The following PRDM16 variants were observed in gnomAD, a reference collection of about 807,000 sequenced individuals.
The protein encoded by PRDM16 is histone-lysine N-methyltransferase PRDM16.
Under a neutral mutation model 110.6 loss-of-function variants are expected in PRDM16, and 23 were observed. The ratio of observed to expected loss-of-function variants is 0.21; its 90% confidence interval spans 0.15 to 0.29. The LOEUF is 0.29. PRDM16 is among the 10% of genes least tolerant of loss of function. The pLI is 1.00. For missense variants in PRDM16, 1,615 were observed against 1,794.3 expected (o/e 0.90, Z 1.81); for synonymous variants, 799 against 781.8 (o/e 1.02, Z -0.37).
chr1:3,095,810 C>A (rs4648362), intron 1 of PRDM16, among the ~76,000 whole-genome samples: 2 of 151,830 alleles, frequency 1.3e-5, no homozygotes, highest in African/African-American at 4.8e-5. Flanking sequence ...CTTGGAATGC[C>A]CTGGGGGCTG....
chr1:3,173,424 G>A (rs944041077), intron 1 of PRDM16, among the ~76,000 whole-genome samples: 6 of 152,372 alleles, frequency 3.9e-5, no homozygotes, highest in African/African-American at 7.2e-5. Flanking sequence ...AGCATTGCAC[G>A]GATAAATAAT....
chr1:3,347,578 G>A (rs183878817), intron 3 of PRDM16, among the ~76,000 whole-genome samples: 67 of 152,354 alleles, frequency 4.4e-4, no homozygotes, highest in South Asian at 1.0e-3. Flanking sequence ...GGGCAGAGCC[G>A]TCTCTCACTG....
At chr1:3,406,395 G>C (rs1643562297) in intron 8 of PRDM16, among the ~76,000 whole-genome samples, 1 of 152,048 alleles carries the variant, frequency 6.6e-6, no homozygotes, top group Non-Finnish European at 1.5e-5. Context: ...TGTGAGCGTA[G>C]AGGCCCAGAG....
intron 1 of PRDM16, among the ~76,000 whole-genome samples, chr1:3,117,155 C>T (rs1253483809): frequency 6.6e-6 from 1 of 152,216 alleles, no homozygotes; most frequent in Non-Finnish European, 1.5e-5. Context: ...GTTTCGGCTC[C>T]CATCAGCCGG....
intron 3 of PRDM16, among the ~76,000 whole-genome samples, chr1:3,340,420 A>G (rs1207263605): frequency 1.3e-5 from 2 of 152,218 alleles, no homozygotes; most frequent in Admixed American, 6.5e-5. Flanking sequence ...GCAAAACGCC[A>G]TAAATACCAA....
At chr1:3,230,923 A>T (rs1251543792) in intron 2 of PRDM16, among the ~76,000 whole-genome samples, 2 of 152,106 alleles carry the variant, frequency 1.3e-5, no homozygotes, top group East Asian at 3.9e-4. Context: ...GCAGGGACAG[A>T]TGAGCCACCT....
intron 3 of PRDM16, among the ~76,000 whole-genome samples, chr1:3,356,368 C>T (rs1464814778): frequency 6.6e-6 from 1 of 152,222 alleles, no homozygotes; most frequent in African/African-American, 2.4e-5. Flanking sequence ...GGACGTGCGG[C>T]TGCCGTCTCA....
intron 5 of PRDM16, among the ~76,000 whole-genome samples, chr1:3,399,378 A>G (rs1017688026): frequency 1.3e-5 from 2 of 152,192 alleles, no homozygotes; most frequent in African/African-American, 4.8e-5. Context: ...GTACCGAGAA[A>G]GTGAAAATGC....
chr1:3,414,161 G>T (rs528324398), intron 9 of PRDM16, among the ~76,000 whole-genome samples: 2 of 152,202 alleles, frequency 1.3e-5, no homozygotes, highest in African/African-American at 4.8e-5. Flanking sequence ...AGGGCTGACC[G>T]GCCAGTTAGG....
At chr1:3,280,698 TAGCTTTGAAAAC>T (rs1640695544) in intron 3 of PRDM16, among the ~76,000 whole-genome samples, 1 of 152,164 alleles carries the variant, frequency 6.6e-6, no homozygotes, top group Non-Finnish European at 1.5e-5. Flanking sequence ...GGCTGTTGCT[TAGCTTTGAAAAC>T]AGTAAATGTG....
At position 3,382,220 on chromosome 1, in the gene PRDM16, T is replaced by A. The variant is rs986721096; in HGVS notation, c.439-2932T>A. Among the ~76,000 whole-genome samples the A allele has an allele frequency of 6.6e-6, 1 of 152,188 alleles. No individual in the cohort carries two copies. The highest frequency in any genetic ancestry group is 1.5e-5 in the Non-Finnish European group (1 of 68,016). ...GAGGATGGGAAGCCTGCCTCCCTAG[T>A]GACAACCAGCCGCTTGTGGCCTCCT... On this transcript the variant is annotated intron_variant, in intron 3 of 16. Coordinates refer to ENST00000270722, the MANE Select transcript of PRDM16 (RefSeq NM_022114.4). This position sits in a 1 kb window ranked among gnomAD's most constrained non-coding sequence, Gnocchi z 6.6.
chr1:3,400,661 T>TG (rs1643451692), intron 5 of PRDM16, among the ~76,000 whole-genome samples: 1 of 152,110 alleles, frequency 6.6e-6, no homozygotes, highest in South Asian at 2.1e-4. Flanking sequence ...CTGTGGGAAG[T>TG]GGACTGCGCA....
chr1:3,367,895 C>G lies in PRDM16; in HGVS notation c.439-17257C>G, dbSNP rs534321050. 8.5e-5 allele frequency among the ~76,000 whole-genome samples: 13 copies of G among 152,256 alleles called. No homozygotes were observed. The South Asian group carries it at 2.7e-3, about 32-fold the overall frequency. ...CATTTGAGGAAGAATCAAACTAACT[C>G]TTTGTACTTTAAAAAATCATTTAAA... On this transcript the variant is annotated intron_variant, in intron 3 of 16. Coordinates refer to ENST00000270722, the MANE Select transcript of PRDM16 (RefSeq NM_022114.4).
chr1:3,393,951 G>T (rs963534453), intron 4 of PRDM16, among the ~76,000 whole-genome samples: 2 of 152,168 alleles, frequency 1.3e-5, no homozygotes, highest in Admixed American at 6.5e-5. Flanking sequence ...CCTCCTGCAG[G>T]TCCAGGGCCA....
chr1:3,091,767 G>A (rs576463235), intron 1 of PRDM16, among the ~76,000 whole-genome samples: 23 of 152,324 alleles, frequency 1.5e-4, no homozygotes, highest in African/African-American at 5.3e-4. Flanking sequence ...TGAGCTCGGG[G>A]TGTAGCCAGC....
At chr1:3,083,336 C>T (rs114273233) in intron 1 of PRDM16, among the ~76,000 whole-genome samples, 209 of 152,350 alleles carry the variant, frequency 1.4e-3, no homozygotes, top group East Asian at 4.8e-3. Flanking sequence ...CTGGGCGGCG[C>T]GCTCATTTCA....
Position 3,248,562 on chromosome 1 carries a change from A to AG in PRDM16, c.438+4429dup, listed in dbSNP as rs889838611. 7.6e-4 allele frequency among the ~76,000 whole-genome samples: 116 copies of AG among 152,294 alleles called. 1 individual carries two copies. Among genetic ancestry groups the AG allele is most frequent in the African/African-American group, 2.7e-3 (111 of 41,562 alleles). ...TCCACCCCAGCCAGCCCCTAGGGCG[A>AG]GGGGCGGGAGTGCAGAGGCTTAGAG... is the stretch of plus-strand genomic sequence containing the variant. On this transcript the variant is annotated intron_variant, in intron 3 of 16. Coordinates refer to ENST00000270722, the MANE Select transcript of PRDM16 (RefSeq NM_022114.4).
intron 1 of PRDM16, among the ~76,000 whole-genome samples, chr1:3,160,592 C>A (rs183760029): frequency 6.6e-6 from 1 of 152,186 alleles, no homozygotes; most frequent in Non-Finnish European, 1.5e-5. Flanking sequence ...TCACTGCCCA[C>A]GAGGTGCAGG....
intron 1 of PRDM16, among the ~76,000 whole-genome samples, chr1:3,123,070 G>A (rs1234869973): frequency 6.6e-6 from 1 of 152,248 alleles, no homozygotes; most frequent in Admixed American, 6.5e-5. Flanking sequence ...GTTCTTCGGT[G>A]TAAAGTGAAG....
Sources: gnomAD v4.1 joint callset for allele counts (sites outside exome capture counted in the v4.1 genomes callset) on GRCh38, gnomAD v4.1.1 for gene constraint, Gnocchi (gnomAD v3.1) non-coding constraint, MANE v1.5 for transcripts, NCBI Gene and HGNC (gene_info 2026-07-23, HGNC 2026-07-21) for gene names.